Variants in VEGFA observed in about 807,000 individuals in gnomAD.
VEGFA encodes vascular endothelial growth factor A, long form.
VEGFA carries 20 observed loss-of-function variants against 49.7 expected under a neutral mutation model. That is an observed-to-expected ratio of 0.40 (90% CI 0.28 to 0.58). The LOEUF is 0.58. VEGFA is among the 20% of genes least tolerant of loss of function. VEGFA has a pLI of 0.40. For missense variants in VEGFA, 505 were observed against 553.5 expected (o/e 0.91, Z 0.88); for synonymous variants, 219 against 223.4 (o/e 0.98, Z 0.18).
In VEGFA at chr6:43,773,158, G is replaced by GGGCTTCCT. The variant is rs1764171834; in HGVS notation, c.607-1181_607-1174dup. On this transcript the variant is annotated intron_variant, in intron 1 of 7. Coordinates refer to ENST00000672860, the MANE Select transcript of VEGFA (RefSeq NM_003376.6). The surrounding 1 kb of genome is among the most constrained non-coding windows in gnomAD (Gnocchi z 5.6). ...GGTAACTGTTGTTTTCTCTTGAGAG[G>GGGCTTCCT]GGCTTCCTGTGACCTTGGCTGTCTC... 1 of 152,816 alleles carries GGGCTTCCT rather than the reference G, an allele frequency of 6.5e-6. No individual in the cohort carries two copies. The highest frequency in any genetic ancestry group is 1.5e-5 in the Non-Finnish European group (1 of 68,338). The allele number at this position is 152,816 out of a possible 1,614,324, so 9.5% of individuals were successfully genotyped here. A position where few individuals can be genotyped will look rare whatever the true frequency, so the allele number is the denominator to read the frequency against.
intron 7 of VEGFA, chr6:43,782,737 C>T: frequency 6.1e-6 from 1 of 163,238 alleles, no homozygotes; most frequent in Non-Finnish European, 1.3e-5. Context: ...GAGGCTCCCT[C>T]AGGCCAGGGC....
At chr6:43,781,268 A>G in intron 6 of VEGFA, 1 of 328,600 alleles carries the variant, frequency 3.0e-6, no homozygotes, top group South Asian at 2.7e-5. Flanking sequence ...TGGCTGAAGG[A>G]GGAGCTTGGG....
intron 1 of VEGFA, 59 bp from the exon 2 acceptor site, chr6:43,774,282 T>C (rs2128009832): frequency 6.3e-7 from 1 of 1,576,686 alleles, no homozygotes; most frequent in Admixed American, 1.7e-5. Flanking sequence ...GCTGGGTGGC[T>C]GGGCCTGTGC....
At chr6:43,781,855 GGT>G in intron 6 of VEGFA, 99 bp from the exon 7 acceptor site, 1 of 1,492,220 alleles carries the variant, frequency 6.7e-7, no homozygotes, top group South Asian at 1.2e-5. Flanking sequence ...GCTGGGTGGG[GGT>G]GCAGCTGCGG....
At chr6:43,781,163 T>G in intron 6 of VEGFA, 3 of 490,836 alleles carry the variant, frequency 6.1e-6, no homozygotes, top group South Asian at 2.0e-5. Context: ...TGCTCTAGGC[T>G]TCTGCACTCG....
chr6:43,777,543 T>C lies in VEGFA; in HGVS notation c.733T>C (p.Tyr245His). ...GACCCTGGTGGACATCTTCCAGGAG[T>C]ACCCTGATGAGATCGAGTACATCTT... Residue 245 changes from tyrosine to histidine, a missense_variant, in exon 3 of 8, where the codon TAC (tyrosine) becomes CAC (histidine). Tyr to His is a moderately conservative substitution (Grantham distance 83). Around this residue, in one of 2 missense-constraint regions of VEGFA, gnomAD observed 165 missense variants for 231.7 expected, o/e 0.71. Transcript: ENST00000672860. This position sits in a 1 kb window ranked among gnomAD's most constrained non-coding sequence, Gnocchi z 4.3. 1 of 1,614,048 alleles carries C rather than the reference T, an allele frequency of 6.2e-7. No individual in the cohort carries two copies. Among genetic ancestry groups the C allele is most frequent in the Non-Finnish European group, 8.5e-7 (1 of 1,180,006 alleles).
chr6:43,782,113 C>A, intron 7 of VEGFA, 26 bp downstream of exon 7: 1 of 1,611,796 alleles, frequency 6.2e-7, no homozygotes, highest in South Asian at 1.1e-5. Context: ...GCAAGCAAGT[C>A]AGAGAGGGGC....
At chr6:43,774,475 G>C in intron 2 of VEGFA, 83 bp downstream of exon 2, 1 of 1,512,506 alleles carries the variant, frequency 6.6e-7, no homozygotes, top group South Asian at 1.1e-5. Flanking sequence ...CTTCAGAACT[G>C]TGGGGAGGAA....
At chr6:43,779,726 C>T in intron 5 of VEGFA, 1 of 465,290 alleles carries the variant, frequency 2.1e-6, no homozygotes, top group South Asian at 1.5e-5. Flanking sequence ...ATGCGGAAAC[C>T]TTCCTTCCAC....
chr6:43,772,410 C>T (rs1763921792), intron 1 of VEGFA, among the ~76,000 whole-genome samples: 1 of 152,196 alleles, frequency 6.6e-6, no homozygotes, highest in African/African-American at 2.4e-5. Flanking sequence ...AGTGTGCTTC[C>T]CTTCCCTCGC....
chr6:43,770,714 AC>A lies in VEGFA; in HGVS notation c.9del (p.Asp3GlufsTer50). 6.5e-7 allele frequency: 1 copy of A among 1,543,158 alleles called. No homozygotes were observed. Among genetic ancestry groups the A allele is most frequent in the East Asian group, 2.6e-5 (1 of 38,676 alleles). On this transcript the variant is annotated frameshift_variant, in exon 1 of 8. Transcript: ENST00000672860. LOFTEE classifies it high-confidence loss of function. The stretch of plus-strand genomic sequence containing the variant: ...CGCAGCTGACCAGTCGCGCTGACGG[AC>A]AGACAGACAGACACCGCCCCCAGCC...
intron 7 of VEGFA, 123 bp from the exon 8 acceptor site, chr6:43,784,418 T>G: frequency 1.1e-6 from 1 of 932,782 alleles, no homozygotes; most frequent in Non-Finnish European, 1.8e-6. Flanking sequence ...CTGTCCTCTC[T>G]GCTCTTATGG....
intron 7 of VEGFA, 177 bp downstream of exon 7, chr6:43,782,264 T>C (rs1768080228): frequency 1.0e-6 from 1 of 957,918 alleles, no homozygotes; most frequent in Admixed American, 2.1e-5. Flanking sequence ...TTAAGGCCCC[T>C]GTGGTGGGCT....
In VEGFA at chr6:43,777,696, G is replaced by A; in HGVS notation, c.855+31G>A. The stretch of plus-strand genomic sequence containing the variant: ...CATCTTTGGGAAGTGGGGCAAGGGG[G>A]GGATAGGGAGGGGGGTAACACTTTG... On this transcript the variant is annotated intron_variant, in intron 3 of 7. Transcript: ENST00000672860. This position sits in a 1 kb window ranked among gnomAD's most constrained non-coding sequence, Gnocchi z 4.3. 9.1e-7 allele frequency: 1 copy of A among 1,103,278 alleles called. No homozygotes were observed. Among genetic ancestry groups the A allele is most frequent in the Non-Finnish European group, 1.3e-6 (1 of 767,016 alleles). The allele number at this position is 1,103,278 out of a possible 1,614,324, so 68.3% of individuals were successfully genotyped here.
chr6:43,771,205 G>C lies in VEGFA; in HGVS notation c.499G>C (p.Gly167Arg). The C allele has an allele frequency of 6.2e-7, 1 of 1,601,806 alleles. No individual in the cohort carries two copies. The highest frequency in any genetic ancestry group is 1.1e-5 in the South Asian group (1 of 90,324). ...GCCGCCCCACAGCCCGAGCCGGAGAGGGAGCGCGAGCCGCGCCGGCCCCGG... is the reference window on the plus strand; with the variant it reads ...GCCGCCCCACAGCCCGAGCCGGAGACGGAGCGCGAGCCGCGCCGGCCCCGG... The change falls in exon 1 of 8, where the codon GGG (glycine) becomes CGG (arginine). Residue 167 changes from glycine (G) to arginine (R), a missense_variant. By Grantham distance (125) the Gly-to-Arg change is moderately radical. This residue lies in a region of VEGFA where 340 missense variants were observed against 321.8 expected (regional missense o/e 1.06). Coordinates refer to ENST00000672860, the MANE Select transcript of VEGFA (RefSeq NM_003376.6).
Position 43,777,538 on chromosome 6 carries a change from A to T in VEGFA, c.728A>T (p.Gln243Leu). Reference sequence around the variant, plus strand: ...ATCGAGACCCTGGTGGACATCTTCCAGGAGTACCCTGATGAGATCGAGTAC... The same window carrying T: ...ATCGAGACCCTGGTGGACATCTTCCTGGAGTACCCTGATGAGATCGAGTAC... The change falls in exon 3 of 8, where the codon CAG becomes CTG. Residue 243 changes from glutamine to leucine, a missense_variant. Gln to Leu is a moderately radical substitution (Grantham distance 113). Coordinates refer to ENST00000672860, the MANE Select transcript of VEGFA (RefSeq NM_003376.6). This position sits in a 1 kb window ranked among gnomAD's most constrained non-coding sequence, Gnocchi z 4.3. 6.2e-7 allele frequency: 1 copy of T among 1,614,216 alleles called. No homozygotes were observed. The highest frequency in any genetic ancestry group is 8.5e-7 in the Non-Finnish European group (1 of 1,180,040).
intron 1 of VEGFA, among the ~76,000 whole-genome samples, chr6:43,772,691 G>A (rs904638613): frequency 2.0e-5 from 3 of 152,062 alleles, no homozygotes; most frequent in African/African-American, 7.2e-5. Flanking sequence ...GACTCTAAAG[G>A]GTCCCTTTCC....
chr6:43,784,728 C>A lies in VEGFA; in HGVS notation c.*166C>A. ...AAACCTGAAATGAAGGAAGAGGAGACTCTGCGCAGAGCACTTTGGGTCCGG... is the reference window on the plus strand; with the variant it reads ...AAACCTGAAATGAAGGAAGAGGAGAATCTGCGCAGAGCACTTTGGGTCCGG... On this transcript the variant is annotated 3_prime_UTR_variant, in exon 8 of 8. Transcript: ENST00000672860. 1 of 1,345,764 alleles carries A rather than the reference C, an allele frequency of 7.4e-7. No homozygotes were observed. Among genetic ancestry groups the A allele is most frequent in the Non-Finnish European group, 1.1e-6 (1 of 947,752 alleles). 83.4% of individuals were successfully genotyped at this position (1,345,764 alleles called of 1,614,324 possible).
At position 43,781,844 on chromosome 6, in the gene VEGFA, G is replaced by A. The variant is rs9282878; in HGVS notation, c.1035-112G>A. The A allele has an allele frequency of 3.1e-5, 44 of 1,436,524 alleles. 1 individual carries two copies. Among genetic ancestry groups the A allele is most frequent in the African/African-American group, 9.8e-5 (7 of 71,492 alleles). 89.0% of individuals were successfully genotyped at this position (1,436,524 alleles called of 1,614,324 possible). On this transcript the variant is annotated intron_variant, in intron 6 of 7. Coordinates refer to ENST00000672860, the MANE Select transcript of VEGFA (RefSeq NM_003376.6). ...TCCTTCCAGGGCCTGGGGGCTGACC[G>A]GCTGGGTGGGGGTGCAGCTGCGGAC...
Sources: allele counts gnomAD v4.1 joint callset (sites outside exome capture counted in the v4.1 genomes callset), GRCh38; gene constraint gnomAD v4.1.1; regional missense constraint gnomAD v4.1.1; non-coding constraint Gnocchi (gnomAD v3.1); transcripts MANE v1.5; gene names NCBI Gene and HGNC (gene_info 2026-07-23, HGNC 2026-07-21).